RIT2: variants seen among roughly 807,000 people sequenced by gnomAD.
The protein encoded by RIT2 is GTP-binding protein Rit2.
A neutral mutation model predicts 23.7 loss-of-function variants in RIT2; 24 were observed. That is an observed-to-expected ratio of 1.01 (90% CI 0.73 to 1.43). The LOEUF (loss-of-function observed/expected upper bound fraction) is 1.43. Among genes scored for constraint, RIT2 ranks in the 40% most tolerant of loss-of-function variants. RIT2 has a pLI of 0.00. For missense variants in RIT2, 236 were observed against 266.9 expected (o/e 0.88, Z 0.81); for synonymous variants, 107 against 91.1 (o/e 1.17, Z -0.99).
At chr18:42,822,512 T>G (rs771516634) in intron 4 of RIT2, among the ~76,000 whole-genome samples, 3 of 152,164 alleles carry the variant, frequency 2.0e-5, no homozygotes, top group Admixed American at 6.5e-5. Flanking sequence ...TTGGTTCCAA[T>G]ACATTGTTGT....
chr18:42,850,347 C>T (rs1160034950), intron 4 of RIT2, among the ~76,000 whole-genome samples: 1 of 152,126 alleles, frequency 6.6e-6, no homozygotes, highest in African/African-American at 2.4e-5. Context: ...TCACCATTAC[C>T]CACATTATCT....
chr18:42,902,097 C>T lies in RIT2; in HGVS notation c.426+21475G>A, dbSNP rs142638714. Among the ~76,000 whole-genome samples the T allele has an allele frequency of 1.8e-3, 267 of 151,770 alleles. 1 individual carries two copies. Among genetic ancestry groups the T allele is most frequent in the Non-Finnish European group, 1.4e-3 (95 of 67,774 alleles). ...TTCCCATAAAGGTCTGTTACTAATA[C>T]AATCATGTAATGAGTACATTGTTAA... is the stretch of plus-strand genomic sequence containing the variant. On this transcript the variant is annotated intron_variant, in intron 4 of 4. Coordinates refer to ENST00000326695, the MANE Select transcript of RIT2 (RefSeq NM_002930.4).
intron 2 of RIT2, among the ~76,000 whole-genome samples, chr18:42,984,754 A>G (rs1910671650): frequency 6.6e-6 from 1 of 152,090 alleles, no homozygotes; most frequent in African/African-American, 2.4e-5. Flanking sequence ...GCATATTAGA[A>G]AACTGGGCAT....
intron 1 of RIT2, among the ~76,000 whole-genome samples, chr18:43,070,503 A>G (rs1044413092): frequency 1.3e-5 from 2 of 152,248 alleles, no homozygotes; most frequent in Non-Finnish European, 2.9e-5. Context: ...TGCTAGAAAC[A>G]AACAGCAAAG....
intron 1 of RIT2, among the ~76,000 whole-genome samples, chr18:43,099,717 T>C (rs994123577): frequency 6.6e-6 from 1 of 152,140 alleles, no homozygotes; most frequent in African/African-American, 2.4e-5. Context: ...TTTTGCTGCA[T>C]AACATTAAAA....
At chr18:42,807,253 G>T (rs1234400599) in intron 4 of RIT2, among the ~76,000 whole-genome samples, 1 of 151,998 alleles carries the variant, frequency 6.6e-6, no homozygotes, top group African/African-American at 2.4e-5. Context: ...TTGGTGAATA[G>T]GTCACTCATT....
At chr18:42,769,036 TA>T (rs1913488926) in intron 4 of RIT2, among the ~76,000 whole-genome samples, 1 of 152,196 alleles carries the variant, frequency 6.6e-6, no homozygotes, top group Non-Finnish European at 1.5e-5. Context: ...GCTTCTGACC[TA>T]AACAGGCTGA....
At chr18:43,012,526 T>C (rs1053154772) in intron 2 of RIT2, among the ~76,000 whole-genome samples, 19 of 151,720 alleles carry the variant, frequency 1.3e-4, no homozygotes, top group African/African-American at 4.3e-4. Flanking sequence ...TTTATGGAAA[T>C]AGAAAGGGTA....
chr18:43,108,346 A>C lies in RIT2; in HGVS notation c.103+7071T>G, dbSNP rs1945002291. ...ATATCTATGTGCCTTGGGCCATATT[A>C]CGTGTGTGTGTGTGTGTGTGTGTGT... is the stretch of plus-strand genomic sequence containing the variant. On this transcript the variant is annotated intron_variant, in intron 1 of 4. Transcript: ENST00000326695. Among the ~76,000 whole-genome samples, 2 of 144,576 alleles carry C rather than the reference A, an allele frequency of 1.4e-5. 1 individual carries two copies. The highest frequency in any genetic ancestry group is 1.4e-4 in the Admixed American group (2 of 13,946). The allele number at this position is 144,576 out of a possible 152,430, so 94.8% of individuals were successfully genotyped here. A position where few individuals can be genotyped will look rare whatever the true frequency, so the allele number is the denominator to read the frequency against.
chr18:42,883,073 TAAA>T (rs1041195825), intron 4 of RIT2, among the ~76,000 whole-genome samples: 4 of 152,116 alleles, frequency 2.6e-5, no homozygotes, highest in Non-Finnish European at 4.4e-5. Flanking sequence ...AGTTACAAAA[TAAA>T]AACTCTTTTG....
At chr18:43,098,455 GT>G (rs1913605818) in intron 1 of RIT2, among the ~76,000 whole-genome samples, 3 of 151,886 alleles carry the variant, frequency 2.0e-5, no homozygotes, top group African/African-American at 4.8e-5. Context: ...AGAGAGAATA[GT>G]TGTAACACAC....
At chr18:43,065,712 A>G (rs1436759959) in intron 1 of RIT2, among the ~76,000 whole-genome samples, 1 of 152,192 alleles carries the variant, frequency 6.6e-6, no homozygotes, top group Non-Finnish European at 1.5e-5. Context: ...ATTGTGTGGT[A>G]ACAAAACTAA....
chr18:43,080,180 G>A lies in RIT2; in HGVS notation c.103+35237C>T, dbSNP rs116253518. On this transcript the variant is annotated intron_variant, in intron 1 of 4. Transcript: ENST00000326695. ...TTCAGTTCCTACCCTGTGCCAGGCC[G>A]CTTTCCTCTGTTAGAGAATGTATGC... 4.6e-3 allele frequency among the ~76,000 whole-genome samples: 706 copies of A among 152,238 alleles called. 6 individuals are homozygous for A. The highest frequency in any genetic ancestry group is 0.016 in the African/African-American group (674 of 41,534).
chr18:42,975,572 T>C (rs960116813), intron 2 of RIT2, among the ~76,000 whole-genome samples: 1 of 152,058 alleles, frequency 6.6e-6, no homozygotes, highest in African/African-American at 2.4e-5. Flanking sequence ...CAGATAGTGA[T>C]AATGGCAAGG....
Position 42,855,322 on chromosome 18 carries a change from G to A in RIT2, c.426+68250C>T, listed in dbSNP as rs557023563. ...ATGATTTTACTTAAGCATTACCATT[G>A]TGAAATTTATAAGAGATTAAGAGGT... On this transcript the variant is annotated intron_variant, in intron 4 of 4. Transcript: ENST00000326695. 6.6e-5 allele frequency among the ~76,000 whole-genome samples: 10 copies of A among 152,182 alleles called. No individual in the cohort carries two copies. In the East Asian group the frequency reaches 1.7e-3, roughly 26 times the overall value.
rs1330468553 is a variant in RIT2, at chr18:43,033,318, C to T, written c.160+493G>A. On this transcript the variant is annotated intron_variant, in intron 2 of 4. Coordinates refer to ENST00000326695, the MANE Select transcript of RIT2 (RefSeq NM_002930.4). The stretch of plus-strand genomic sequence containing the variant: ...TTTTGGCTCTAGCAATATTTTAATA[C>T]CTTAAATGTCAGTTTCCTAACCTTC... Among the ~76,000 whole-genome samples, 2 of 151,984 alleles carry T rather than the reference C, an allele frequency of 1.3e-5. 1 individual carries two copies. The highest frequency in any genetic ancestry group is 1.3e-4 in the Admixed American group (2 of 15,224).
chr18:42,846,190 G>A (rs751323250), intron 4 of RIT2, among the ~76,000 whole-genome samples: 5 of 151,840 alleles, frequency 3.3e-5, no homozygotes, highest in Non-Finnish European at 7.4e-5. Context: ...AAAAAAGTGG[G>A]TGTTAAGTAA....
At chr18:43,083,797 G>A (rs945661436) in intron 1 of RIT2, among the ~76,000 whole-genome samples, 1 of 152,206 alleles carries the variant, frequency 6.6e-6, no homozygotes, top group Non-Finnish European at 1.5e-5. Flanking sequence ...GAAAACCTAA[G>A]CAATACCATT....
chr18:42,986,526 G>A (rs1040429255), intron 2 of RIT2, among the ~76,000 whole-genome samples: 7 of 151,156 alleles, frequency 4.6e-5, no homozygotes, highest in Admixed American at 4.6e-4. Context: ...TTTTGAGATG[G>A]CGTCTTGCTT....
Sources: allele counts gnomAD v4.1 joint callset (sites outside exome capture counted in the v4.1 genomes callset), GRCh38; gene constraint gnomAD v4.1.1; transcripts MANE v1.5; gene names NCBI Gene and HGNC (gene_info 2026-07-23, HGNC 2026-07-21).